PUS10: variants seen among roughly 807,000 people sequenced by gnomAD.
The protein encoded by PUS10 is tRNA pseudouridine synthase Pus10.
Under a neutral mutation model 75.0 loss-of-function variants are expected in PUS10, and 59 were observed. That is an observed-to-expected ratio of 0.79 (90% confidence interval 0.64 to 0.98). The LOEUF (loss-of-function observed/expected upper bound fraction) is 0.98, where lower values mean the gene tolerates loss of function less well. PUS10 is among the 50% of genes least tolerant of loss of function. PUS10 has a pLI of 0.00. For missense variants in PUS10, 650 were observed against 614.4 expected (o/e 1.06, Z -0.61); for synonymous variants, 219 against 211.6 (o/e 1.03, Z -0.30).
chr2:60,962,452 T>TA (rs914015663), intron 9 of PUS10, among the ~76,000 whole-genome samples: 1 of 152,098 alleles, frequency 6.6e-6, no homozygotes, highest in African/African-American at 2.4e-5. Flanking sequence ...TGCATGCCTA[T>TA]AATCCCAGCT....
chr2:60,986,697 T>C (rs1390690188), intron 4 of PUS10, among the ~76,000 whole-genome samples: 1 of 152,238 alleles, frequency 6.6e-6, no homozygotes, highest in African/African-American at 2.4e-5. Context: ...TTCAATCTGC[T>C]AGTTTAGTGT....
chr2:60,964,860 G>C (rs55776317), intron 8 of PUS10, among the ~76,000 whole-genome samples, 198 bp downstream of exon 8: 53,800 of 151,970 alleles, frequency 0.35, 10,151 homozygotes, highest in Middle Eastern at 0.44. Context: ...ATGTTTGTGT[G>C]CTACAACTTC....
At chr2:60,975,816 C>T (rs1227100927) in intron 4 of PUS10, among the ~76,000 whole-genome samples, 2 of 151,878 alleles carry the variant, frequency 1.3e-5, no homozygotes, top group African/African-American at 2.4e-5. Context: ...GGCTGGAGTG[C>T]TGTAGCACGA....
intron 1 of PUS10, among the ~76,000 whole-genome samples, chr2:61,012,669 C>CAA (rs770665779): frequency 9.3e-5 from 11 of 117,774 alleles, no homozygotes; most frequent in African/African-American, 3.4e-4. Context: ...ACTAAAAATA[C>CAA]AAAAAAAAAA....
chr2:60,991,548 C>G (rs1448418038), intron 4 of PUS10, among the ~76,000 whole-genome samples: 3 of 152,148 alleles, frequency 2.0e-5, no homozygotes, highest in African/African-American at 7.2e-5. Context: ...CCTCAACTTC[C>G]TGGGCTCAAA....
At chr2:60,953,674 C>T (rs1172315371) in intron 14 of PUS10, among the ~76,000 whole-genome samples, 2 of 152,130 alleles carry the variant, frequency 1.3e-5, no homozygotes, top group African/African-American at 4.8e-5. Flanking sequence ...TGTTTGTTTT[C>T]ATTTCTCTTG....
chr2:60,993,956 A>T (rs890107104), intron 4 of PUS10, among the ~76,000 whole-genome samples: 9 of 151,758 alleles, frequency 5.9e-5, no homozygotes, highest in Non-Finnish European at 1.0e-4. Context: ...AGCCTGGCAA[A>T]TTTTTTGTAT....
chr2:60,986,588 G>A (rs1677736865), intron 4 of PUS10, among the ~76,000 whole-genome samples: 1 of 152,078 alleles, frequency 6.6e-6, no homozygotes, highest in South Asian at 2.1e-4. Context: ...AATAGGTTTG[G>A]TTATATGTCA....
chr2:60,942,318 G>T lies in PUS10; in HGVS notation c.*77C>A. 2 of 1,163,296 alleles carry T rather than the reference G, an allele frequency of 1.7e-6. No individual in the cohort carries two copies. The highest frequency in any genetic ancestry group is 2.6e-6 in the Non-Finnish European group (2 of 768,798). The allele number at this position is 1,163,296 out of a possible 1,614,324, so 72.1% of individuals were successfully genotyped here. The stretch of plus-strand genomic sequence containing the variant: ...AAGACACCGTTATGGTGGGTAAACA[G>T]CCATTTTACGGCATGTGCTCCATGG... On this transcript the variant is annotated 3_prime_UTR_variant, in exon 18 of 18. Coordinates refer to ENST00000316752, the MANE Select transcript of PUS10 (RefSeq NM_144709.4).
chr2:61,009,686 A>G (rs191136744), intron 2 of PUS10, among the ~76,000 whole-genome samples: 18 of 152,298 alleles, frequency 1.2e-4, no homozygotes, highest in Admixed American at 3.3e-4. Flanking sequence ...AACCATTCTC[A>G]TATTTCTCTC....
At chr2:60,966,319 CA>C (rs1434189505) in intron 6 of PUS10, 14 of 151,992 alleles carry the variant, frequency 9.2e-5, no homozygotes, top group African/African-American at 3.1e-4. Context: ...GGGGAGGGGT[CA>C]GGGGCAGGAA....
chr2:60,995,333 T>TA (rs1316953244), intron 4 of PUS10, among the ~76,000 whole-genome samples: 2 of 152,200 alleles, frequency 1.3e-5, no homozygotes, highest in South Asian at 2.1e-4. Context: ...TTGCTCCTCC[T>TA]AAAAAATAAC....
At chr2:60,956,747 A>C (rs9752697) in intron 11 of PUS10, among the ~76,000 whole-genome samples, 2 of 151,782 alleles carry the variant, frequency 1.3e-5, no homozygotes, top group African/African-American at 4.8e-5. Context: ...AGGCTAAGGC[A>C]GGTGGATCAC....
chr2:60,949,820 A>G (rs909335440), intron 15 of PUS10, among the ~76,000 whole-genome samples: 18 of 151,988 alleles, frequency 1.2e-4, no homozygotes, highest in Non-Finnish European at 2.5e-4. Context: ...TGGCGCCATG[A>G]TGGCTCACTG....
In PUS10 at chr2:60,941,844, T is replaced by C. The variant is rs1674642420; in HGVS notation, c.*551A>G. 2.6e-5 allele frequency: 4 copies of C among 152,366 alleles called. No homozygotes were observed. Among genetic ancestry groups the C allele is most frequent in the Admixed American group, 2.0e-4 (3 of 15,274 alleles). 9.4% of individuals were successfully genotyped at this position (152,366 alleles called of 1,614,324 possible). On this transcript the variant is annotated 3_prime_UTR_variant, in exon 18 of 18. Coordinates refer to ENST00000316752, the MANE Select transcript of PUS10 (RefSeq NM_144709.4). ...CATTATTCATAGTTTGGTTAAGATT[T>C]ATGACAAATCACAGCCAAAAGAACT...
intron 11 of PUS10, among the ~76,000 whole-genome samples, chr2:60,955,489 C>T (rs1034349226): frequency 3.3e-5 from 5 of 152,182 alleles, no homozygotes; most frequent in Admixed American, 3.3e-4. Flanking sequence ...ACCAGCACAC[C>T]TGGCTAATTT....
intron 4 of PUS10, among the ~76,000 whole-genome samples, chr2:60,980,250 C>T (rs555342839): frequency 4.6e-5 from 7 of 152,310 alleles, no homozygotes; most frequent in Non-Finnish European, 8.8e-5. Flanking sequence ...GGATCTCAAA[C>T]ATCTGTTGGC....
chr2:61,006,122 G>A (rs1156373753), intron 4 of PUS10, among the ~76,000 whole-genome samples: 2 of 152,030 alleles, frequency 1.3e-5, no homozygotes, highest in East Asian at 3.8e-4. Flanking sequence ...TCATTGACTG[G>A]AAGATACGCC....
Position 60,971,448 on chromosome 2 carries a change from A to G in PUS10, c.503+75T>C, listed in dbSNP as rs1676656557. 5.6e-6 allele frequency: 7 copies of G among 1,257,156 alleles called. No homozygotes were observed. The South Asian group carries it at 7.2e-5, about 13-fold the overall frequency. The allele number at this position is 1,257,156 out of a possible 1,614,324, so 77.9% of individuals were successfully genotyped here. A position where few individuals can be genotyped will look rare whatever the true frequency, so the allele number is the denominator to read the frequency against. On this transcript the variant is annotated intron_variant, in intron 5 of 17. Coordinates refer to ENST00000316752, the MANE Select transcript of PUS10 (RefSeq NM_144709.4). ...AATGCACTATAAAAATAGAGATTGT[A>G]GTAGTAAAAGTGCTTTAAGAACCAG...
Sources: allele counts gnomAD v4.1 joint callset (sites outside exome capture counted in the v4.1 genomes callset), GRCh38; gene constraint gnomAD v4.1.1; transcripts MANE v1.5; gene names NCBI Gene and HGNC (gene_info 2026-07-23, HGNC 2026-07-21).